Variants in IFNG-AS1 observed in about 807,000 individuals in gnomAD.
The protein encoded by IFNG-AS1 is IFNG regulatory antisense RNA 1.
intron 3 of IFNG-AS1, chr12:68,013,739 A>ATCAG (rs1370913038): frequency 2.8e-4 from 43 of 152,192 alleles, no homozygotes; most frequent in Non-Finnish European, 4.4e-4. Flanking sequence ...TGATGCCTTG[A>ATCAG]TCAGAACCAA....
At position 67,996,120 on chromosome 12, in the gene IFNG-AS1, A is replaced by G. The variant is rs577278599; in HGVS notation, n.184+47A>G. The G allele has an allele frequency of 4.6e-5, 7 of 152,350 alleles. No individual in the cohort carries two copies. In the East Asian group the frequency reaches 1.3e-3, roughly 29 times the overall value. 9.4% of individuals were successfully genotyped at this position (152,350 alleles called of 1,614,324 possible). On this transcript the variant is annotated intron_variant and non_coding_transcript_variant, in intron 2 of 5. Transcript: ENST00000536914. Reference sequence around the variant, plus strand: ...ATTAACTCCTTCACTCACTCAACGAACATATATTTAGTGCCTACTATGTGT... The same window carrying G: ...ATTAACTCCTTCACTCACTCAACGAGCATATATTTAGTGCCTACTATGTGT...
intron 2 of IFNG-AS1, among the ~76,000 whole-genome samples, chr12:68,000,263 TAAAA>T (rs1304116549): frequency 2.6e-5 from 4 of 152,122 alleles, no homozygotes; most frequent in Non-Finnish European, 5.9e-5. Flanking sequence ...ATAAAAATAT[TAAAA>T]AGAAAGAAAA....
At chr12:68,001,028 G>A (rs1486302283) in intron 2 of IFNG-AS1, among the ~76,000 whole-genome samples, 1 of 152,058 alleles carries the variant, frequency 6.6e-6, no homozygotes, top group Non-Finnish European at 1.5e-5. Flanking sequence ...TAGACCACAA[G>A]ACTCATCACT....
intron 3 of IFNG-AS1, among the ~76,000 whole-genome samples, chr12:68,016,419 C>T (rs1180468435): frequency 1.3e-5 from 2 of 152,112 alleles, no homozygotes; most frequent in African/African-American, 4.8e-5. Flanking sequence ...CACTCAAGAG[C>T]CATTGACTCA....
At chr12:67,997,993 G>C (rs1879682292) in intron 2 of IFNG-AS1, among the ~76,000 whole-genome samples, 1 of 151,942 alleles carries the variant, frequency 6.6e-6, no homozygotes, top group Non-Finnish European at 1.5e-5. Context: ...TAAAAATATG[G>C]CAGTCATCTG....
chr12:68,007,286 C>T lies in IFNG-AS1; in HGVS notation n.241+1140C>T, dbSNP rs139038764. Among the ~76,000 whole-genome samples, 570 of 152,342 alleles carry T rather than the reference C, an allele frequency of 3.7e-3. 7 individuals carry two copies. In the South Asian group the frequency reaches 0.038, roughly 10 times the overall value. ...AGTCCCTAGAAGGGCAACTGGCACA[C>T]AGTAAGCACTCTATGAATCATTAAC... is the stretch of plus-strand genomic sequence containing the variant. On this transcript the variant is annotated intron_variant and non_coding_transcript_variant, in intron 3 of 5. Transcript: ENST00000536914.
At chr12:67,996,151 A>G (rs1358927512) in intron 2 of IFNG-AS1, 1 of 152,238 alleles carries the variant, frequency 6.6e-6, no homozygotes, top group Non-Finnish European at 1.5e-5. Context: ...TGTGTTAGGC[A>G]TGGTACCAGA....
At chr12:68,002,565 T>G (rs1879794342) in intron 2 of IFNG-AS1, among the ~76,000 whole-genome samples, 1 of 152,216 alleles carries the variant, frequency 6.6e-6, no homozygotes, top group Non-Finnish European at 1.5e-5. Context: ...ATTATTTTAA[T>G]TCTGCCAACA....
chr12:68,006,828 T>C (rs1219260777), intron 3 of IFNG-AS1, among the ~76,000 whole-genome samples: 1 of 152,184 alleles, frequency 6.6e-6, no homozygotes, highest in East Asian at 1.9e-4. Flanking sequence ...ACTTTGAAAC[T>C]CACATGAGAC....
chr12:67,992,648 T>C (rs1418041058), intron 1 of IFNG-AS1, among the ~76,000 whole-genome samples: 1 of 152,218 alleles, frequency 6.6e-6, no homozygotes, highest in Admixed American at 6.5e-5. Flanking sequence ...TTGTACAGAA[T>C]ACTGAAGTAA....
chr12:67,989,512 A>C (rs1879453177), upstream of IFNG-AS1: 1 of 152,242 alleles, frequency 6.6e-6, no homozygotes, highest in Non-Finnish European at 1.5e-5. Flanking sequence ...AAATGCCAGC[A>C]AAAACTGTAG....
chr12:67,991,280 A>G (rs1034173380), intron 1 of IFNG-AS1, among the ~76,000 whole-genome samples: 14 of 152,366 alleles, frequency 9.2e-5, no homozygotes, highest in Non-Finnish European at 1.8e-4. Context: ...AAGACGGCAC[A>G]TGCTAAGTGG....
intron 2 of IFNG-AS1, chr12:68,001,545 A>G (rs549388404): frequency 5.5e-4 from 115 of 207,924 alleles, no homozygotes; most frequent in South Asian, 5.3e-3. Context: ...TTGCGAGCAG[A>G]CATAGTGAGG....
chr12:67,998,638 A>G (rs1879697436), intron 2 of IFNG-AS1, among the ~76,000 whole-genome samples: 1 of 152,034 alleles, frequency 6.6e-6, no homozygotes, highest in African/African-American at 2.4e-5. Context: ...CAAAAATATA[A>G]ATAAATGACT....
intron 3 of IFNG-AS1, chr12:68,013,422 A>G (rs574126603): frequency 2.6e-5 from 4 of 152,310 alleles, no homozygotes; most frequent in Admixed American, 2.0e-4. Flanking sequence ...TGAATGTGCA[A>G]TATGGCACTC....
intron 3 of IFNG-AS1, among the ~76,000 whole-genome samples, chr12:68,018,112 C>T (rs1035257375): frequency 6.6e-6 from 1 of 152,106 alleles, no homozygotes; most frequent in Non-Finnish European, 1.5e-5. Flanking sequence ...CCATCCAAGC[C>T]AGTCATCTGG....
intron 3 of IFNG-AS1, among the ~76,000 whole-genome samples, chr12:68,007,384 C>T (rs1187237900): frequency 6.6e-6 from 1 of 152,166 alleles, no homozygotes; most frequent in Non-Finnish European, 1.5e-5. Context: ...CATATACCCC[C>T]TTGACAATTA....
intron 3 of IFNG-AS1, among the ~76,000 whole-genome samples, chr12:68,012,984 G>A (rs1310582702): frequency 6.6e-6 from 1 of 152,192 alleles, no homozygotes; most frequent in Non-Finnish European, 1.5e-5. Flanking sequence ...GCATGAAGCT[G>A]ATAAATGAAG....
chr12:68,007,581 A>G (rs1879933613), intron 3 of IFNG-AS1, among the ~76,000 whole-genome samples: 1 of 152,260 alleles, frequency 6.6e-6, no homozygotes, highest in African/African-American at 2.4e-5. Context: ...GAGTTTCTTA[A>G]TGCCCTCTCT....
Sources: gnomAD v4.1 joint callset for allele counts (sites outside exome capture counted in the v4.1 genomes callset) on GRCh38, gnomAD v4.1.1 for gene constraint, MANE v1.5 for transcripts, NCBI Gene and HGNC (gene_info 2026-07-23, HGNC 2026-07-21) for gene names.